CDK5RAP2: variants seen among roughly 807,000 people sequenced by gnomAD.
CDK5RAP2 encodes the protein CDK5 regulatory subunit-associated protein 2.
In CDK5RAP2, 147 loss-of-function variants were observed where a neutral mutation model predicts 232.9. The observed-to-expected ratio is 0.63, with a 90% CI of 0.55 to 0.72. The LOEUF is 0.72. Ranked by LOEUF, CDK5RAP2 falls within the 30% of genes least tolerant of loss-of-function variation. The pLI, the probability that CDK5RAP2 is intolerant of heterozygous loss-of-function variation, is 0.00. For missense variants in CDK5RAP2, 2,195 were observed against 2,231.5 expected, an observed-to-expected ratio of 0.98 and a Z score of 0.33; for synonymous variants, 833 against 833.7, an observed-to-expected ratio of 1.00 and a Z score of 0.01.
At chr9:120,434,502 T>C (rs1399804951) in intron 25 of CDK5RAP2, among the ~76,000 whole-genome samples, 2 of 152,176 alleles carry the variant, frequency 1.3e-5, no homozygotes, top group African/African-American at 4.8e-5. Flanking sequence ...TCACTGATTA[T>C]TGTGTGGAAA....
At chr9:120,482,996 G>C (rs750514203) in intron 14 of CDK5RAP2, among the ~76,000 whole-genome samples, 1 of 152,102 alleles carries the variant, frequency 6.6e-6, no homozygotes, top group Non-Finnish European at 1.5e-5. Flanking sequence ...AGATCTCCTC[G>C]GCACACAGGC....
intron 11 of CDK5RAP2, among the ~76,000 whole-genome samples, chr9:120,521,560 C>T (rs112476637): frequency 9.2e-5 from 14 of 152,098 alleles, no homozygotes; most frequent in African/African-American, 2.4e-4. Flanking sequence ...ATGTAACATG[C>T]GTCTTTGCTC....
intron 30 of CDK5RAP2, among the ~76,000 whole-genome samples, chr9:120,408,818 A>G (rs1200522648): frequency 1.3e-5 from 2 of 152,200 alleles, no homozygotes; most frequent in South Asian, 4.1e-4. Context: ...TTCTGCCTGA[A>G]ATGATCTTTC....
intron 36 of CDK5RAP2, among the ~76,000 whole-genome samples, chr9:120,393,791 C>T (rs1218304368): frequency 6.6e-6 from 1 of 152,252 alleles, no homozygotes; most frequent in Non-Finnish European, 1.5e-5. Context: ...TGAGTCTCGG[C>T]ATCTGCCTTG....
rs190663317 is a variant in CDK5RAP2 at position 120,500,096 on chromosome 9, A to C, written c.1312-8619T>G. Among the ~76,000 whole-genome samples the C allele has an allele frequency of 1.3e-3, 203 of 152,342 alleles. 1 individual carries two copies. The highest frequency in any genetic ancestry group is 2.6e-3 in the Non-Finnish European group (176 of 68,024). On this transcript the variant is annotated intron_variant, in intron 12 of 37. Transcript: ENST00000349780. ...CGGAGCTTCCAACTTGGCTCTGCTC[A>C]TCCTTTTAGTCTAAAGGAAAGGCGG...
intron 3 of CDK5RAP2, among the ~76,000 whole-genome samples, chr9:120,555,336 C>T (rs757582348): frequency 6.6e-6 from 1 of 152,004 alleles, no homozygotes; most frequent in Non-Finnish European, 1.5e-5. Context: ...CGAGGTTTCA[C>T]CATGTTGGCC....
Position 120,487,247 on chromosome 9 carries a change from T to C in CDK5RAP2, c.1626+47A>G. Reference sequence around the variant, plus strand: ...AGTTATCAAATATGTTTCAAAAAAGTGTATGAATCCATTCGCATGTGAATG... The same window carrying C: ...AGTTATCAAATATGTTTCAAAAAAGCGTATGAATCCATTCGCATGTGAATG... On this transcript the variant is annotated intron_variant, in intron 14 of 37. Coordinates refer to ENST00000349780, the MANE Select transcript of CDK5RAP2 (RefSeq NM_018249.6). 1.9e-6 allele frequency: 3 copies of C among 1,603,998 alleles called. 1 individual carries two copies. Among genetic ancestry groups the C allele is most frequent in the Non-Finnish European group, 2.6e-6 (3 of 1,171,264 alleles).
chr9:120,511,189 A>G (rs1474661938), intron 12 of CDK5RAP2, among the ~76,000 whole-genome samples: 1 of 152,248 alleles, frequency 6.6e-6, no homozygotes, highest in Non-Finnish European at 1.5e-5. Flanking sequence ...TGAGACTGGC[A>G]ATAAATGTTG....
chr9:120,481,444 T>C (rs1275603994), intron 14 of CDK5RAP2, among the ~76,000 whole-genome samples: 2 of 152,126 alleles, frequency 1.3e-5, no homozygotes, highest in African/African-American at 4.8e-5. Flanking sequence ...TGTGTGACTT[T>C]ATGAACCATG....
intron 3 of CDK5RAP2, among the ~76,000 whole-genome samples, chr9:120,556,721 A>T (rs1048006851): frequency 5.9e-5 from 9 of 152,158 alleles, no homozygotes; most frequent in African/African-American, 1.9e-4. Flanking sequence ...GACCCACCAC[A>T]CCCGGCCCAT....
chr9:120,529,043 C>A, intron 8 of CDK5RAP2: 1 of 571,574 alleles, frequency 1.7e-6, no homozygotes, highest in Non-Finnish European at 3.1e-6. Context: ...AACCACAGTG[C>A]TGCTTAACAA....
At chr9:120,431,714 T>G (rs1053915636) in intron 25 of CDK5RAP2, among the ~76,000 whole-genome samples, 4 of 152,244 alleles carry the variant, frequency 2.6e-5, no homozygotes, top group Admixed American at 2.6e-4. Flanking sequence ...GAGCTATCTT[T>G]GTTCATGTGG....
chr9:120,486,606 G>C (rs1332294861), intron 14 of CDK5RAP2, among the ~76,000 whole-genome samples: 2 of 152,070 alleles, frequency 1.3e-5, no homozygotes, highest in Non-Finnish European at 2.9e-5. Context: ...CAGGAGCCCA[G>C]GTGAGAGGAA....
Position 120,407,211 on chromosome 9 carries a change from G to C in CDK5RAP2, c.4764C>G (p.Phe1588Leu), listed in dbSNP as rs2033513155. 1.2e-6 allele frequency: 2 copies of C among 1,613,518 alleles called. No individual in the cohort carries two copies. The highest frequency in any genetic ancestry group is 1.6e-4 in the Middle Eastern group (1 of 6,062). The change falls in exon 32 of 38, where the codon TTC becomes TTG. Residue 1588 changes from phenylalanine (F) to leucine (L), a missense_variant. Coordinates refer to ENST00000349780, the MANE Select transcript of CDK5RAP2 (RefSeq NM_018249.6). Reference protein sequence around the residue: ...SGEGWKGQDPFRDLHSLLMEI... With the variant: ...SGEGWKGQDPLRDLHSLLMEI... Reference sequence around the variant, plus strand: ...CCATCAGGAGGCTGTGCAGGTCCCTGAAAGGATCCTGCCCCTTCCAGCCTT... The same window carrying C: ...CCATCAGGAGGCTGTGCAGGTCCCTCAAAGGATCCTGCCCCTTCCAGCCTT...
chr9:120,565,309 A>G (rs1030287587), intron 3 of CDK5RAP2, among the ~76,000 whole-genome samples: 1 of 152,104 alleles, frequency 6.6e-6, no homozygotes, highest in Non-Finnish European at 1.5e-5. Flanking sequence ...CCTTAGCTCC[A>G]CATTCCTCCC....
chr9:120,549,539 T>C (rs1030972512), intron 4 of CDK5RAP2, among the ~76,000 whole-genome samples: 1 of 152,220 alleles, frequency 6.6e-6, no homozygotes, highest in African/African-American at 2.4e-5. Flanking sequence ...ACGTAGTAGC[T>C]ATATGACATC....
At chr9:120,437,075 G>A (rs1160416010) in intron 25 of CDK5RAP2, among the ~76,000 whole-genome samples, 1 of 152,178 alleles carries the variant, frequency 6.6e-6, no homozygotes, top group African/African-American at 2.4e-5. Context: ...GGCCCCTGAG[G>A]CGTCTAAACT....
intron 12 of CDK5RAP2, among the ~76,000 whole-genome samples, chr9:120,496,835 G>T (rs1324406868): frequency 7.1e-6 from 1 of 140,972 alleles, no homozygotes; most frequent in Non-Finnish European, 1.5e-5. Flanking sequence ...GGGAGGTGAG[G>T]GGCGCCTCTG....
intron 5 of CDK5RAP2, among the ~76,000 whole-genome samples, chr9:120,544,385 CAACAAT>C (rs1400698293): frequency 2.7e-5 from 4 of 150,870 alleles, no homozygotes; most frequent in South Asian, 4.3e-4. Context: ...AAAACAACAA[CAACAAT>C]AACAACTTGT....
Sources: gnomAD v4.1 joint callset for allele counts (sites outside exome capture counted in the v4.1 genomes callset) on GRCh38, gnomAD v4.1.1 for gene constraint, MANE v1.5 for transcripts, NCBI Gene and HGNC (gene_info 2026-07-23, HGNC 2026-07-21) for gene names.